The following ZKSCAN8 variants were observed in gnomAD, a reference collection of about 807,000 sequenced individuals.
ZKSCAN8 encodes zinc finger protein with KRAB and SCAN domains 8.
A neutral mutation model predicts 57.2 loss-of-function variants in ZKSCAN8; 27 were observed. The observed-to-expected ratio is 0.47, with a 90% CI of 0.35 to 0.65. The LOEUF (loss-of-function observed/expected upper bound fraction) is 0.65, where lower values mean the gene tolerates loss of function less well. Among genes scored for constraint, ZKSCAN8 ranks in the 30% least tolerant of loss-of-function variants. The pLI, the probability that ZKSCAN8 is intolerant of heterozygous loss-of-function variation, is 0.01. For synonymous variants in ZKSCAN8, 214 were observed against 248.7 expected, an observed-to-expected ratio of 0.86 and a Z score of 1.31; for missense variants, 597 against 696.3, an observed-to-expected ratio of 0.86 and a Z score of 1.60.
In ZKSCAN8 at chr6:28,153,136, G is replaced by C; in HGVS notation, c.856G>C (p.Ala286Pro). ...STGIQPHGET[A>P]AKCNGDVIRG... is the part of the protein sequence containing the mutation. ...TGGAATCCAGCCACATGGAGAGACA[G>C]CTGCCAAATGCAACGGGGATGTTAT... The change falls in exon 6 of 6, where the codon GCT becomes CCT. Residue 286 changes from alanine (A) to proline (P), a missense_variant. By Grantham distance (27) the Ala-to-Pro change is conservative. Coordinates refer to ENST00000330236, the MANE Select transcript of ZKSCAN8 (RefSeq NM_006298.4). 6.2e-7 allele frequency: 1 copy of C among 1,614,236 alleles called. No individual in the cohort carries two copies. Among genetic ancestry groups the C allele is most frequent in the South Asian group, 1.1e-5 (1 of 91,086 alleles).
At position 28,159,434 on chromosome 6, in the gene ZKSCAN8, G is replaced by A. The variant is rs1765889583; in HGVS notation, c.*5417G>A. On this transcript the variant is annotated 3_prime_UTR_variant, in exon 6 of 6. Transcript: ENST00000330236. Reference sequence around the variant, plus strand: ...CTAGTATAGTGCTGAGCACATAGTAGGCGTTTAATAAATGCTTGTTGAAGT... The same window carrying A: ...CTAGTATAGTGCTGAGCACATAGTAAGCGTTTAATAAATGCTTGTTGAAGT... The A allele has an allele frequency of 6.6e-6, 1 of 152,214 alleles. No homozygotes were observed. Among genetic ancestry groups the A allele is most frequent in the South Asian group, 2.1e-4 (1 of 4,838 alleles). The allele number at this position is 152,214 out of a possible 1,614,324, so 9.4% of individuals were successfully genotyped here. A position where few individuals can be genotyped will look rare whatever the true frequency, so the allele number is the denominator to read the frequency against.
At chr6:28,142,400 A>T (rs1765248298) in intron 1 of ZKSCAN8, 1 of 152,112 alleles carries the variant, frequency 6.6e-6, no homozygotes, top group African/African-American at 2.4e-5. Flanking sequence ...CAAAATTCTC[A>T]GTTTTTAAAA....
At chr6:28,150,775 A>G (rs925418429) in intron 3 of ZKSCAN8, among the ~76,000 whole-genome samples, 1 of 152,080 alleles carries the variant, frequency 6.6e-6, no homozygotes, top group Non-Finnish European at 1.5e-5. Flanking sequence ...ATTCGTATTT[A>G]TTCCATAAAT....
In ZKSCAN8 at chr6:28,157,957, T is replaced by C. The variant is rs992180269; in HGVS notation, c.*3940T>C. 7.9e-5 allele frequency: 12 copies of C among 152,104 alleles called. No homozygotes were observed. The highest frequency in any genetic ancestry group is 2.9e-4 in the African/African-American group (12 of 41,406). The allele number at this position is 152,104 out of a possible 1,614,324, so 9.4% of individuals were successfully genotyped here. A position where few individuals can be genotyped will look rare whatever the true frequency, so the allele number is the denominator to read the frequency against. On this transcript the variant is annotated 3_prime_UTR_variant, in exon 6 of 6. Coordinates refer to ENST00000330236, the MANE Select transcript of ZKSCAN8 (RefSeq NM_006298.4). ...TTGCCCATTTCCAACTACCATTCTG[T>C]TTCTCCTCTATTGTTCATGGTTTTT...
At position 28,157,932 on chromosome 6, in the gene ZKSCAN8, T is replaced by C. The variant is rs961045884; in HGVS notation, c.*3915T>C. On this transcript the variant is annotated 3_prime_UTR_variant, in exon 6 of 6. Coordinates refer to ENST00000330236, the MANE Select transcript of ZKSCAN8 (RefSeq NM_006298.4). Reference sequence around the variant, plus strand: ...AAAATGTGAAATGCTTTCATCCTCATTGCCCATTTCCAACTACCATTCTGT... The same window carrying C: ...AAAATGTGAAATGCTTTCATCCTCACTGCCCATTTCCAACTACCATTCTGT... The C allele has an allele frequency of 1.3e-5, 2 of 152,214 alleles. No individual in the cohort carries two copies. The highest frequency in any genetic ancestry group is 4.8e-5 in the African/African-American group (2 of 41,450). 9.4% of individuals were successfully genotyped at this position (152,214 alleles called of 1,614,324 possible).
At chr6:28,148,938 G>C in intron 2 of ZKSCAN8, 114 bp downstream of exon 2, 1 of 1,225,592 alleles carries the variant, frequency 8.2e-7, no homozygotes, top group Non-Finnish European at 1.1e-6. Flanking sequence ...TGTTGGATAA[G>C]GATGACAATA....
chr6:28,149,579 G>A lies in ZKSCAN8; in HGVS notation c.514G>A (p.Ala172Thr). The change falls in exon 3 of 6, where the codon GCA becomes ACA. Residue 172 changes from alanine (A) to threonine (T), a missense_variant. Transcript: ENST00000330236. The stretch of plus-strand genomic sequence containing the variant: ...TCCAAATACTCAGCTCCAATCTGAG[G>A]CAACCCAACATAAATCTCCAGTGCC... ...EPPNTQLQSE[A>T]TQHKSPVPQE... The A allele has an allele frequency of 6.2e-7, 1 of 1,614,016 alleles. No individual in the cohort carries two copies. Among genetic ancestry groups the A allele is most frequent in the Non-Finnish European group, 8.5e-7 (1 of 1,179,978 alleles).
At chr6:28,150,438 A>G (rs370250677) in intron 3 of ZKSCAN8, among the ~76,000 whole-genome samples, 20 of 152,180 alleles carry the variant, frequency 1.3e-4, no homozygotes, top group South Asian at 1.0e-3. Flanking sequence ...TTGTCCTATT[A>G]TTGGTGGTGT....
chr6:28,155,435 C>G lies in ZKSCAN8; in HGVS notation c.*1418C>G, dbSNP rs965665446. 2.0e-5 allele frequency: 3 copies of G among 152,132 alleles called. No individual in the cohort carries two copies. The highest frequency in any genetic ancestry group is 4.4e-5 in the Non-Finnish European group (3 of 68,034). 9.4% of individuals were successfully genotyped at this position (152,132 alleles called of 1,614,324 possible). ...ATTATTCCATACTACTATATTCTTC[C>G]AAATATTTGGAACACTCTTAGAATT... On this transcript the variant is annotated 3_prime_UTR_variant, in exon 6 of 6. Transcript: ENST00000330236.
Position 28,154,286 on chromosome 6 carries a change from T to TGCTTGTCATG in ZKSCAN8, c.*275_*284dup, listed in dbSNP as rs574550933. ...AATTTAAAATAGCATTAGAGCAAGT[T>TGCTTGTCATG]GCTTGTCATGGCTTGAAGAGCTTAA... On this transcript the variant is annotated 3_prime_UTR_variant, in exon 6 of 6. Coordinates refer to ENST00000330236, the MANE Select transcript of ZKSCAN8 (RefSeq NM_006298.4). 5.7e-4 allele frequency: 200 copies of TGCTTGTCATG among 350,272 alleles called. No homozygotes were observed. Among genetic ancestry groups the TGCTTGTCATG allele is most frequent in the African/African-American group, 3.6e-3 (171 of 47,202 alleles). The allele number at this position is 350,272 out of a possible 1,614,324, so 21.7% of individuals were successfully genotyped here.
At chr6:28,147,378 C>T (rs4711164) in intron 1 of ZKSCAN8, among the ~76,000 whole-genome samples, 34,714 of 151,664 alleles carry the variant, frequency 0.23, 4,133 homozygotes, top group African/African-American at 0.28. Context: ...AAATTAAAAA[C>T]AAAAACAATA....
intron 5 of ZKSCAN8, 110 bp from the exon 6 acceptor site, chr6:28,152,946 T>C (rs9348795): frequency 0.058 from 85,401 of 1,464,908 alleles, 2,967 homozygotes; most frequent in East Asian, 0.12. Flanking sequence ...TGTTTACTTA[T>C]AGCTGTTCAT....
intron 1 of ZKSCAN8, among the ~76,000 whole-genome samples, chr6:28,143,357 G>A (rs942077129): frequency 6.6e-6 from 1 of 152,160 alleles, no homozygotes; most frequent in African/African-American, 2.4e-5. Flanking sequence ...AGACCTGTTG[G>A]CTGATTTGGT....
chr6:28,148,897 A>G lies in ZKSCAN8; in HGVS notation c.417+73A>G, dbSNP rs1358251546. On this transcript the variant is annotated intron_variant, in intron 2 of 5. Transcript: ENST00000330236. Reference sequence around the variant, plus strand: ...CTTGGTAGAGGGACATAGGCATCACAGTGGGAGAGCAGATGCTTAGCATCA... The same window carrying G: ...CTTGGTAGAGGGACATAGGCATCACGGTGGGAGAGCAGATGCTTAGCATCA... The G allele has an allele frequency of 4.0e-6, 6 of 1,503,784 alleles. No homozygotes were observed. The African/African-American group carries it at 4.2e-5, about 10-fold the overall frequency. 93.2% of individuals were successfully genotyped at this position (1,503,784 alleles called of 1,614,324 possible).
chr6:28,149,382 C>T (rs767374777), intron 2 of ZKSCAN8, 101 bp from the exon 3 acceptor site: 2 of 1,439,562 alleles, frequency 1.4e-6, no homozygotes, highest in Non-Finnish European at 1.9e-6. Flanking sequence ...CTGCTTCCTT[C>T]CCCAAGCATA....
At position 28,154,026 on chromosome 6, in the gene ZKSCAN8, T is replaced by A. The variant is rs1482311594; in HGVS notation, c.*9T>A. 1.9e-6 allele frequency: 3 copies of A among 1,574,628 alleles called. No individual in the cohort carries two copies. The highest frequency in any genetic ancestry group is 1.7e-4 in the Middle Eastern group (1 of 5,862). On this transcript the variant is annotated 3_prime_UTR_variant, in exon 6 of 6. Transcript: ENST00000330236. ...AATCCATAAGCGTTTAGGAACAACA[T>A]CAGTTAGAGTTTGAGCATTATTCAG...
Position 28,149,632 on chromosome 6 carries a change from G to A in ZKSCAN8, c.559+8G>A, listed in dbSNP as rs1453562764. 2 of 1,613,240 alleles carry A rather than the reference G, an allele frequency of 1.2e-6. No homozygotes were observed. Among genetic ancestry groups the A allele is most frequent in the African/African-American group, 2.7e-5 (2 of 74,834 alleles). On this transcript the variant is annotated splice_region_variant and intron_variant, in intron 3 of 5. Coordinates refer to ENST00000330236, the MANE Select transcript of ZKSCAN8 (RefSeq NM_006298.4). ...AAGAGTCACAAGAGAGAGGTGAGTA[G>A]CCAGATTTCATTGATGATAAGGGGG... is the stretch of plus-strand genomic sequence containing the variant.
chr6:28,156,065 C>T lies in ZKSCAN8; in HGVS notation c.*2048C>T. ...CTGTGTTTCAGTTGTGCCTTACCCT[C>T]TGTAAGATACTGATTCTTCCTGGGG... On this transcript the variant is annotated 3_prime_UTR_variant, in exon 6 of 6. Coordinates refer to ENST00000330236, the MANE Select transcript of ZKSCAN8 (RefSeq NM_006298.4). 1 of 398,074 alleles carries T rather than the reference C, an allele frequency of 2.5e-6. No individual in the cohort carries two copies. 24.7% of individuals were successfully genotyped at this position (398,074 alleles called of 1,614,324 possible). A position where few individuals can be genotyped will look rare whatever the true frequency, so the allele number is the denominator to read the frequency against.
In ZKSCAN8 at chr6:28,154,172, TG is replaced by T. The variant is rs1413182410; in HGVS notation, c.*158del. ...AAGTTAGGATAGCTCTTTAGTAATTTGGGCCCAGTGCCTTGGTGAAGGTTGA... is the reference window on the plus strand; with the variant it reads ...AAGTTAGGATAGCTCTTTAGTAATTTGGCCCAGTGCCTTGGTGAAGGTTGA... On this transcript the variant is annotated 3_prime_UTR_variant, in exon 6 of 6. Transcript: ENST00000330236. The T allele has an allele frequency of 9.0e-7, 1 of 1,115,216 alleles. No individual in the cohort carries two copies. The highest frequency in any genetic ancestry group is 2.6e-5 in the Admixed American group (1 of 38,384). 69.1% of individuals were successfully genotyped at this position (1,115,216 alleles called of 1,614,324 possible). A position where few individuals can be genotyped will look rare whatever the true frequency, so the allele number is the denominator to read the frequency against.
Sources: allele counts gnomAD v4.1 joint callset (sites outside exome capture counted in the v4.1 genomes callset), GRCh38; gene constraint gnomAD v4.1.1; transcripts MANE v1.5; gene names NCBI Gene and HGNC (gene_info 2026-07-23, HGNC 2026-07-21).